The following CSMD1 variants were observed in gnomAD, a reference collection of about 807,000 sequenced individuals.
CSMD1 encodes the protein CUB and sushi domain-containing protein 1.
In CSMD1, 213 loss-of-function variants were observed where a neutral mutation model predicts 417.5. The observed-to-expected ratio is 0.51, with a 90% CI of 0.46 to 0.57. The LOEUF is 0.57. Among genes scored for constraint, CSMD1 ranks in the 20% least tolerant of loss-of-function variants. The pLI, the probability that CSMD1 is intolerant of heterozygous loss-of-function variation, is 0.00. For synonymous variants in CSMD1, 2,862 were observed against 1,736.8 expected, an observed-to-expected ratio of 1.65 and a Z score of -16.11; for missense variants, 6,923 against 4,529.7, an observed-to-expected ratio of 1.53 and a Z score of -15.17.
At chr8:4,198,987 TA>T (rs1414813757) in intron 3 of CSMD1, among the ~76,000 whole-genome samples, 2 of 152,154 alleles carry the variant, frequency 1.3e-5, no homozygotes, top group Non-Finnish European at 2.9e-5. Context: ...TTTCCTCCTG[TA>T]ATCCTTTGCA....
intron 6 of CSMD1, among the ~76,000 whole-genome samples, chr8:3,753,559 C>G (rs941730888): frequency 3.3e-5 from 5 of 152,124 alleles, no homozygotes; most frequent in African/African-American, 4.8e-5. Context: ...ACTTTTTGTG[C>G]ATTTTCATGC....
intron 56 of CSMD1, among the ~76,000 whole-genome samples, chr8:2,973,590 G>A (rs1489160204): frequency 2.6e-5 from 4 of 151,690 alleles, no homozygotes; most frequent in Non-Finnish European, 5.9e-5. Flanking sequence ...AATGGTAAAT[G>A]CATCACGTCT....
intron 5 of CSMD1, among the ~76,000 whole-genome samples, chr8:3,824,196 T>G (rs79837444): frequency 0.011 from 1,704 of 152,138 alleles, 32 homozygotes; most frequent in African/African-American, 0.039. Flanking sequence ...GATGACTAAT[T>G]TATCCTGACA....
intron 1 of CSMD1, among the ~76,000 whole-genome samples, chr8:4,967,174 A>G (rs1396387097): frequency 6.6e-6 from 1 of 152,170 alleles, no homozygotes; most frequent in Non-Finnish European, 1.5e-5. Flanking sequence ...AATTTTAAAC[A>G]CTATGAGCTG....
chr8:3,718,189 T>C (rs1188432663), intron 6 of CSMD1, among the ~76,000 whole-genome samples: 1 of 152,240 alleles, frequency 6.6e-6, no homozygotes, highest in Non-Finnish European at 1.5e-5. Flanking sequence ...GAGTTGTTAG[T>C]ACAATAACTC....
chr8:3,730,131 C>G (rs542575786), intron 6 of CSMD1, among the ~76,000 whole-genome samples: 5 of 152,128 alleles, frequency 3.3e-5, no homozygotes, highest in African/African-American at 1.2e-4. Flanking sequence ...TACAAGGAGA[C>G]AATGTGATCA....
intron 6 of CSMD1, among the ~76,000 whole-genome samples, chr8:3,748,491 T>C (rs941439946): frequency 6.6e-5 from 10 of 152,170 alleles, no homozygotes; most frequent in African/African-American, 1.9e-4. Flanking sequence ...GAGCACTTGA[T>C]TTCCTCCATT....
intron 3 of CSMD1, among the ~76,000 whole-genome samples, chr8:4,122,432 C>T (rs113431679): frequency 1.4e-4 from 21 of 152,288 alleles, no homozygotes; most frequent in African/African-American, 3.4e-4. Flanking sequence ...AAACCTCTGA[C>T]GCAGTTAGCA....
intron 3 of CSMD1, among the ~76,000 whole-genome samples, chr8:4,329,662 C>T (rs1253808243): frequency 1.3e-5 from 2 of 152,152 alleles, no homozygotes; most frequent in Middle Eastern, 3.4e-3. Context: ...GGATCTGTAT[C>T]CCCACCCAAA....
At chr8:3,714,859 A>T (rs1036624045) in intron 6 of CSMD1, among the ~76,000 whole-genome samples, 9 of 152,170 alleles carry the variant, frequency 5.9e-5, no homozygotes, top group Admixed American at 5.2e-4. Context: ...TCAGAGCTTT[A>T]TCAATTTTTT....
intron 1 of CSMD1, among the ~76,000 whole-genome samples, chr8:4,830,330 C>A (rs1240466363): frequency 6.6e-6 from 1 of 152,198 alleles, no homozygotes; most frequent in African/African-American, 2.4e-5. Context: ...TCACTGCCAG[C>A]ATCTACCAAG....
At chr8:4,255,896 T>G (rs868735538) in intron 3 of CSMD1, among the ~76,000 whole-genome samples, 1 of 152,196 alleles carries the variant, frequency 6.6e-6, no homozygotes, top group Non-Finnish European at 1.5e-5. Context: ...GGTAAACCCA[T>G]GAGGGCAGAG....
At chr8:4,993,256 C>T (rs1287115248) in intron 1 of CSMD1, among the ~76,000 whole-genome samples, 1 of 151,964 alleles carries the variant, frequency 6.6e-6, no homozygotes, top group Non-Finnish European at 1.5e-5. Flanking sequence ...GAAAGAAAAA[C>T]CCTTTGTAGA....
In CSMD1 at chr8:3,757,066, G is replaced by GT. The variant is rs536043245; in HGVS notation, c.819-3025dup. Among the ~76,000 whole-genome samples, 13 of 152,302 alleles carry GT rather than the reference G, an allele frequency of 8.5e-5. No individual in the cohort carries two copies. The East Asian group carries it at 2.5e-3, about 29-fold the overall frequency. ...AATCCTCTCACCTTTGCCTCTCAGA[G>GT]TGCTGGGATTACAGGCGTGAACCAC... On this transcript the variant is annotated intron_variant, in intron 5 of 69. Coordinates refer to ENST00000635120, the MANE Select transcript of CSMD1 (RefSeq NM_033225.6).
chr8:3,653,659 G>C (rs542975947), intron 7 of CSMD1, among the ~76,000 whole-genome samples: 44 of 152,078 alleles, frequency 2.9e-4, no homozygotes, highest in Admixed American at 1.3e-4. Context: ...AGCCTGATAA[G>C]GGCCAGCTTT....
chr8:3,764,368 T>C (rs569227195), intron 5 of CSMD1, among the ~76,000 whole-genome samples: 20 of 152,152 alleles, frequency 1.3e-4, no homozygotes, highest in Non-Finnish European at 2.4e-4. Context: ...CCACATTACA[T>C]AACTCTGATA....
chr8:4,712,098 C>A (rs1033322470), intron 1 of CSMD1, among the ~76,000 whole-genome samples: 3 of 152,090 alleles, frequency 2.0e-5, no homozygotes, highest in African/African-American at 4.8e-5. Flanking sequence ...TAGGCAATGC[C>A]CCTGGAAGTC....
intron 3 of CSMD1, among the ~76,000 whole-genome samples, chr8:4,051,203 C>T (rs1798407163): frequency 1.3e-5 from 2 of 150,898 alleles, no homozygotes; most frequent in African/African-American, 4.9e-5. Flanking sequence ...CTGCTGAGAG[C>T]ACAGCCTCCC....
chr8:4,740,005 C>T lies in CSMD1; in HGVS notation c.86-102447G>A, dbSNP rs535834602. On this transcript the variant is annotated intron_variant, in intron 1 of 69. Transcript: ENST00000635120. The stretch of plus-strand genomic sequence containing the variant: ...GCCGCCTGCCCAGGCATCTTCCTTT[C>T]CCACCCTGAGCTTCAGCATCCTGGC... Among the ~76,000 whole-genome samples the T allele has an allele frequency of 3.9e-5, 6 of 152,218 alleles. No homozygotes were observed. In the South Asian group the frequency reaches 1.0e-3, roughly 26 times the overall value.
Sources: gnomAD v4.1 joint callset for allele counts (sites outside exome capture counted in the v4.1 genomes callset) on GRCh38, gnomAD v4.1.1 for gene constraint, MANE v1.5 for transcripts, NCBI Gene and HGNC (gene_info 2026-07-23, HGNC 2026-07-21) for gene names.